The following LOC128092253 variants were observed in gnomAD, a reference collection of about 807,000 sequenced individuals.
At chr6:133,969,431 A>G in the LOC128092253 span, among the ~76,000 whole-genome samples, 1 of 152,174 alleles carries the variant, frequency 6.6e-6, no homozygotes, top group African/African-American at 2.4e-5. Flanking sequence ...CAGACTGAAT[A>G]TCTAGATTGA....
chr6:133,971,119 G>A, the LOC128092253 span, among the ~76,000 whole-genome samples: 97,047 of 151,498 alleles, frequency 0.64, 31,934 homozygotes, highest in African/African-American at 0.74. Flanking sequence ...TCTGTTAATC[G>A]CTCTTCTTTC....
the LOC128092253 span, among the ~76,000 whole-genome samples, chr6:133,964,431 G>T: frequency 6.8e-6 from 1 of 148,096 alleles, no homozygotes. Context: ...TTTTTGTTTT[G>T]TTTTGTTTTT....
chr6:133,953,644 T>C, the LOC128092253 span, among the ~76,000 whole-genome samples: 1 of 152,046 alleles, frequency 6.6e-6, no homozygotes, highest in South Asian at 2.1e-4. Flanking sequence ...CCGGGCGATA[T>C]TTGGGGATCT....
the LOC128092253 span, among the ~76,000 whole-genome samples, chr6:133,956,852 T>TGTC: frequency 6.6e-6 from 1 of 152,252 alleles, no homozygotes; most frequent in Admixed American, 6.5e-5. Flanking sequence ...TATTTGCTCT[T>TGTC]GTCACATGAC....
the LOC128092253 span, among the ~76,000 whole-genome samples, chr6:133,976,550 A>G: frequency 1.3e-5 from 2 of 152,208 alleles, no homozygotes; most frequent in African/African-American, 2.4e-5. Context: ...TAATTTAAAC[A>G]AAGTGGTGAG....
chr6:133,964,077 T>C, the LOC128092253 span, among the ~76,000 whole-genome samples: 1 of 152,180 alleles, frequency 6.6e-6, no homozygotes, highest in African/African-American at 2.4e-5. Flanking sequence ...GAAAACTTCC[T>C]TATCACTCTT....
the LOC128092253 span, among the ~76,000 whole-genome samples, chr6:133,976,968 A>C: frequency 7.2e-6 from 1 of 139,004 alleles, no homozygotes; most frequent in Non-Finnish European, 1.6e-5. Flanking sequence ...ACTTGGTCTC[A>C]AAAAAAAAAA....
the LOC128092253 span, among the ~76,000 whole-genome samples, chr6:133,955,160 A>G: frequency 6.6e-6 from 1 of 151,162 alleles, no homozygotes; most frequent in African/African-American, 2.4e-5. Flanking sequence ...TCCTGGGGTT[A>G]TCTTTGTGCA....
the LOC128092253 span, among the ~76,000 whole-genome samples, chr6:133,979,020 C>T: frequency 6.6e-6 from 1 of 152,106 alleles, no homozygotes; most frequent in East Asian, 1.9e-4. Flanking sequence ...TCATGAGTCA[C>T]GTACTTAGTA....
chr6:133,962,005 T>C, the LOC128092253 span, among the ~76,000 whole-genome samples: 1 of 151,962 alleles, frequency 6.6e-6, no homozygotes, highest in Non-Finnish European at 1.5e-5. Flanking sequence ...TTCACATGAG[T>C]TGCATACTAA....
the LOC128092253 span, among the ~76,000 whole-genome samples, chr6:133,968,281 G>A: frequency 6.6e-6 from 1 of 152,086 alleles, no homozygotes; most frequent in South Asian, 2.1e-4. Context: ...AAAATGACAT[G>A]CTATCTTCCT....
the LOC128092253 span, among the ~76,000 whole-genome samples, chr6:133,976,151 TG>T: frequency 6.6e-6 from 1 of 152,358 alleles, no homozygotes; most frequent in South Asian, 2.1e-4. Context: ...TTAACTCTTT[TG>T]CATTCAGTGA....
the LOC128092253 span, among the ~76,000 whole-genome samples, chr6:133,962,455 A>G: frequency 6.6e-6 from 1 of 152,110 alleles, no homozygotes; most frequent in African/African-American, 2.4e-5. Flanking sequence ...GAAGAATGAG[A>G]GATGAAGGAT....
chr6:133,968,955 C>T, the LOC128092253 span: 34 of 152,228 alleles, frequency 2.2e-4, no homozygotes, highest in African/African-American at 8.2e-4. Flanking sequence ...GGCACCACTC[C>T]TGGTCAGTAT....
chr6:133,954,952 G>C, the LOC128092253 span, among the ~76,000 whole-genome samples: 1 of 152,182 alleles, frequency 6.6e-6, no homozygotes, highest in African/African-American at 2.4e-5. Context: ...TTGAGGTCCA[G>C]TGTCTGTTAA....
the LOC128092253 span, among the ~76,000 whole-genome samples, chr6:133,956,589 T>G: frequency 1.3e-5 from 2 of 152,226 alleles, no homozygotes; most frequent in African/African-American, 4.8e-5. Context: ...GTCCCTGCCC[T>G]GTGTGTGTAT....
chr6:133,969,451 A>T, the LOC128092253 span, among the ~76,000 whole-genome samples: 6 of 152,110 alleles, frequency 3.9e-5, no homozygotes, highest in Non-Finnish European at 7.4e-5. Flanking sequence ...AGTCTCATAG[A>T]TAGTAGGTAG....
the LOC128092253 span, among the ~76,000 whole-genome samples, chr6:133,963,202 G>T: frequency 6.6e-6 from 1 of 152,206 alleles, no homozygotes; most frequent in Non-Finnish European, 1.5e-5. Context: ...AAACAGTACT[G>T]ATAGAAGAAT....
the LOC128092253 span, among the ~76,000 whole-genome samples, chr6:133,966,061 T>C: frequency 1.3e-5 from 2 of 152,148 alleles, no homozygotes; most frequent in Non-Finnish European, 2.9e-5. Context: ...CTCTTCAACT[T>C]CAGAGACAGA....
Sources: allele counts gnomAD v4.1 joint callset (sites outside exome capture counted in the v4.1 genomes callset), GRCh38; gene constraint gnomAD v4.1.1; transcripts MANE v1.5.